The following SCAP variants were observed in gnomAD, a reference collection of about 807,000 sequenced individuals.
The protein encoded by SCAP is sterol regulatory element-binding protein cleavage-activating protein.
A neutral mutation model predicts 123.6 loss-of-function variants in SCAP; 65 were observed. The observed-to-expected ratio is 0.53, with a 90% confidence interval of 0.43 to 0.65. The LOEUF (loss-of-function observed/expected upper bound fraction) is 0.65. Ranked by LOEUF, SCAP falls within the 30% of genes least tolerant of loss-of-function variation. SCAP has a pLI of 0.00. For synonymous variants in SCAP, 740 were observed against 726.3 expected, an observed-to-expected ratio of 1.02 and a Z score of -0.30; for missense variants, 1,398 against 1,712.5, an observed-to-expected ratio of 0.82 and a Z score of 3.24.
chr3:47,459,294 C>A (rs2107986849), intron 1 of SCAP, among the ~76,000 whole-genome samples: 1 of 152,308 alleles, frequency 6.6e-6, no homozygotes, highest in East Asian at 1.9e-4. Flanking sequence ...AGGCTAAACA[C>A]CCTTTGCCTG....
rs1705417402 is a variant in SCAP, at chr3:47,413,762, A to AAGAT, written c.*88_*91dup. 6.7e-7 allele frequency: 1 copy of AAGAT among 1,490,992 alleles called. No homozygotes were observed. Among genetic ancestry groups the AAGAT allele is most frequent in the East Asian group, 2.3e-5 (1 of 43,848 alleles). 92.4% of individuals were successfully genotyped at this position (1,490,992 alleles called of 1,614,324 possible). ...ATTACAGTCAGGAGGCAGCGGCTGGAAGATACTCGGCTCTTTCCCCCAAGT... is the reference window on the plus strand; with the variant it reads ...ATTACAGTCAGGAGGCAGCGGCTGGAAGATAGATACTCGGCTCTTTCCCCCAAGT... On this transcript the variant is annotated 3_prime_UTR_variant, in exon 23 of 23. Transcript: ENST00000265565.
At chr3:47,435,582 ATCATGTTGACCAGG>A in intron 2 of SCAP, among the ~76,000 whole-genome samples, 1 of 151,114 alleles carries the variant, frequency 6.6e-6, no homozygotes, top group East Asian at 1.9e-4. Context: ...ACGGGGTTTC[ATCATGTTGACCAGG>A]CTGGTCTTAA....
rs1705412683 is a variant in SCAP at position 47,413,708 on chromosome 3, G to A, written c.*146C>T. On this transcript the variant is annotated 3_prime_UTR_variant, in exon 23 of 23. Transcript: ENST00000265565. Reference sequence around the variant, plus strand: ...GCTCCCAAAGTGCCTGACAGATGATGATATGGTTTTTTAAAAAAGTTTAAT... The same window carrying A: ...GCTCCCAAAGTGCCTGACAGATGATAATATGGTTTTTTAAAAAAGTTTAAT... 2 of 1,117,414 alleles carry A rather than the reference G, an allele frequency of 1.8e-6. No individual in the cohort carries two copies. The highest frequency in any genetic ancestry group is 2.5e-6 in the Non-Finnish European group (2 of 784,654). 69.2% of individuals were successfully genotyped at this position (1,117,414 alleles called of 1,614,324 possible). A position where few individuals can be genotyped will look rare whatever the true frequency, so the allele number is the denominator to read the frequency against.
At position 47,414,645 on chromosome 3, in the gene SCAP, C is replaced by A; in HGVS notation, c.3314G>T (p.Arg1105Leu). ...GAAGAGGCAGCACGAGTCCTCCAGACGGAACACCTGGGACAGGGATGGGCC... is the reference window on the plus strand; with the variant it reads ...GAAGAGGCAGCACGAGTCCTCCAGAAGGAACACCTGGGACAGGGATGGGCC... ...GSQDHTLRVF[R>L]LEDSCCLFTL... The change falls in exon 21 of 23, where the codon CGT becomes CTT. Residue 1105 changes from arginine (R) to leucine (L), a missense_variant. By Grantham distance (102) the Arg-to-Leu change is moderately radical. Transcript: ENST00000265565. The A allele has an allele frequency of 6.2e-7, 1 of 1,613,326 alleles. No individual in the cohort carries two copies. The highest frequency in any genetic ancestry group is 8.5e-7 in the Non-Finnish European group (1 of 1,180,020).
In SCAP at chr3:47,422,452, G is replaced by A; in HGVS notation, c.1235C>T (p.Pro412Leu). ...GCCTTGGGGCCTTACCTGGATGGCG[G>A]GCACTAGGGTGAAGTAGCCGATGAG... ...IILIGYFTLV[P>L]AIQEFCLFAV... Residue 412 changes from proline to leucine, a missense_variant, in exon 10 of 23, where the codon CCC becomes CTC. Pro to Leu is a moderately conservative substitution (Grantham distance 98). Around this residue, in one of 7 missense-constraint regions of SCAP, gnomAD observed 66 missense variants for 116.3 expected, o/e 0.57. Transcript: ENST00000265565. 6.2e-7 allele frequency: 1 copy of A among 1,613,370 alleles called. No homozygotes were observed. The highest frequency in any genetic ancestry group is 8.5e-7 in the Non-Finnish European group (1 of 1,179,672).
rs1019793412 is a variant in SCAP at position 47,422,631 on chromosome 3, C to T, written c.1151-95G>A. On this transcript the variant is annotated intron_variant, in intron 9 of 22. Coordinates refer to ENST00000265565, the MANE Select transcript of SCAP (RefSeq NM_012235.4). Reference sequence around the variant, plus strand: ...GGGCCTCGGAGTGGCAGAGGCATGGCAAGGCCCCCCAGCCCTTTGAAGGAG... The same window carrying T: ...GGGCCTCGGAGTGGCAGAGGCATGGTAAGGCCCCCCAGCCCTTTGAAGGAG... 4.7e-6 allele frequency: 5 copies of T among 1,053,252 alleles called. No homozygotes were observed. In the East Asian group the frequency reaches 7.7e-5, roughly 16 times the overall value. The allele number at this position is 1,053,252 out of a possible 1,614,324, so 65.2% of individuals were successfully genotyped here. A position where few individuals can be genotyped will look rare whatever the true frequency, so the allele number is the denominator to read the frequency against.
chr3:47,413,814 C>G lies in SCAP; in HGVS notation c.*40G>C, dbSNP rs748563949. 2 of 1,596,558 alleles carry G rather than the reference C, an allele frequency of 1.3e-6. No homozygotes were observed. Among genetic ancestry groups the G allele is most frequent in the Admixed American group, 1.7e-5 (1 of 59,500 alleles). ...CAGGTTCAGTGCATTGGCCCCCACA[C>G]AGCACCCCAGCCTCCTGCCTGGGCA... is the stretch of plus-strand genomic sequence containing the variant. On this transcript the variant is annotated 3_prime_UTR_variant, in exon 23 of 23. Coordinates refer to ENST00000265565, the MANE Select transcript of SCAP (RefSeq NM_012235.4).
intron 1 of SCAP, among the ~76,000 whole-genome samples, chr3:47,473,858 AC>A (rs1370544734): frequency 1.3e-5 from 2 of 152,132 alleles, no homozygotes; most frequent in Non-Finnish European, 2.9e-5. Context: ...TAAACTTTTT[AC>A]CCACCTAATG....
intron 1 of SCAP, among the ~76,000 whole-genome samples, chr3:47,445,220 T>A (rs1706983879): frequency 6.6e-6 from 1 of 152,018 alleles, no homozygotes; most frequent in Non-Finnish European, 1.5e-5. Context: ...TTCCTGTATT[T>A]GTTTGAATAC....
At position 47,417,846 on chromosome 3, in the gene SCAP, A is replaced by AGTGAGAGGGGGCACGGGGAGGGGG; in HGVS notation, c.2448-21_2448-20insCCCCCTCCCCGTGCCCCCTCTCAC. 9.2e-7 allele frequency: 1 copy of AGTGAGAGGGGGCACGGGGAGGGGG among 1,082,792 alleles called. No homozygotes were observed. Among genetic ancestry groups the AGTGAGAGGGGGCACGGGGAGGGGG allele is most frequent in the East Asian group, 7.7e-5 (1 of 13,030 alleles). The allele number at this position is 1,082,792 out of a possible 1,614,324, so 67.1% of individuals were successfully genotyped here. ...TGCCTGCTGGGGGCCAGGAGGGCGG[A>AGTGAGAGGGGGCACGGGGAGGGGG]GTGAGAGGGGGCACGGGGGAGGGGG... On this transcript the variant is annotated intron_variant, in intron 16 of 22. Coordinates refer to ENST00000265565, the MANE Select transcript of SCAP (RefSeq NM_012235.4).
Position 47,418,502 on chromosome 3 carries a change from G to A in SCAP, c.2150C>T (p.Ala717Val). The stretch of plus-strand genomic sequence containing the variant: ...CAGCAGCACCAAGACGATGCCGGTG[G>A]CCAGGCCCAGCGCCGCCACCCTGCA... ...TLYKVAALGL[A>V]TGIVLVLLLL... The change falls in exon 15 of 23, where the codon GCC (alanine) becomes GTC (valine). Residue 717 changes from alanine (A) to valine (V), a missense_variant. Coordinates refer to ENST00000265565, the MANE Select transcript of SCAP (RefSeq NM_012235.4). 1 of 1,596,212 alleles carries A rather than the reference G, an allele frequency of 6.3e-7. No homozygotes were observed. The highest frequency in any genetic ancestry group is 8.5e-7 in the Non-Finnish European group (1 of 1,172,766).
At chr3:47,437,422 C>CAAAAAAAAAAAAAAAA (rs35011639) in intron 2 of SCAP, among the ~76,000 whole-genome samples, 1 of 63,186 alleles carries the variant, frequency 1.6e-5, no homozygotes, top group African/African-American at 6.9e-5. Flanking sequence ...AACTCAATCT[C>CAAAAAAAAAAAAAAAA]AAAAAAAAAA....
intron 2 of SCAP, among the ~76,000 whole-genome samples, chr3:47,442,129 G>A (rs1196398409): frequency 1.3e-5 from 2 of 152,040 alleles, no homozygotes; most frequent in African/African-American, 4.8e-5. Context: ...ATCTATAAAT[G>A]TTTTAGACAA....
chr3:47,463,774 A>G (rs1707731136), intron 1 of SCAP, among the ~76,000 whole-genome samples: 1 of 152,142 alleles, frequency 6.6e-6, no homozygotes, highest in Non-Finnish European at 1.5e-5. Context: ...GAATCCCCAG[A>G]ACTTTAACAG....
Position 47,420,222 on chromosome 3 carries a change from C to T in SCAP, c.1563+332G>A, listed in dbSNP as rs903734280. 1.3e-5 allele frequency among the ~76,000 whole-genome samples: 2 copies of T among 152,182 alleles called. No homozygotes were observed. Among genetic ancestry groups the T allele is most frequent in the African/African-American group, 4.8e-5 (2 of 41,442 alleles). Reference sequence around the variant, plus strand: ...CAGTGTCTGCACACCATGCAGCGGCCGATGAACCCGACCCAGGGCAATGTG... The same window carrying T: ...CAGTGTCTGCACACCATGCAGCGGCTGATGAACCCGACCCAGGGCAATGTG... On this transcript the variant is annotated intron_variant, in intron 12 of 22. Transcript: ENST00000265565. The surrounding 1 kb of genome is among the most constrained non-coding windows in gnomAD (Gnocchi z 5.0).
chr3:47,464,665 G>A (rs1262906471), intron 1 of SCAP, among the ~76,000 whole-genome samples: 1 of 152,172 alleles, frequency 6.6e-6, no homozygotes, highest in African/African-American at 2.4e-5. Context: ...ACTTGATGGT[G>A]AAAGACTAAA....
chr3:47,441,545 G>A (rs1226124061), intron 2 of SCAP, among the ~76,000 whole-genome samples: 2 of 152,100 alleles, frequency 1.3e-5, no homozygotes, highest in African/African-American at 4.8e-5. Context: ...TGAGTTCTTA[G>A]AGCACTCCAA....
chr3:47,447,961 T>C (rs548270125), intron 1 of SCAP, among the ~76,000 whole-genome samples: 52 of 122,782 alleles, frequency 4.2e-4, no homozygotes, highest in Non-Finnish European at 6.1e-4. Flanking sequence ...GCTGAGATAG[T>C]GCCACTGCAC....
intron 2 of SCAP, among the ~76,000 whole-genome samples, chr3:47,441,473 A>T (rs955985646): frequency 9.9e-5 from 15 of 152,212 alleles, no homozygotes; most frequent in Middle Eastern, 3.4e-3. Flanking sequence ...GTCTCAAAAA[A>T]CTTATTTTAA....
Sources: gnomAD v4.1 joint callset for allele counts (sites outside exome capture counted in the v4.1 genomes callset) on GRCh38, gnomAD v4.1.1 for gene constraint, gnomAD v4.1.1 regional missense constraint, Gnocchi (gnomAD v3.1) non-coding constraint, MANE v1.5 for transcripts, NCBI Gene and HGNC (gene_info 2026-07-23, HGNC 2026-07-21) for gene names.